The following AKAP12 variants were observed in gnomAD, a reference collection of about 807,000 sequenced individuals.
The protein encoded by AKAP12 is A-kinase anchor protein 12.
In AKAP12, 32 loss-of-function variants were observed where a neutral mutation model predicts 79.9. The ratio of observed to expected loss-of-function variants is 0.40; its 90% CI spans 0.30 to 0.54. The LOEUF (loss-of-function observed/expected upper bound fraction) is 0.54. Ranked by LOEUF, AKAP12 falls within the 20% of genes least tolerant of loss-of-function variation. The probability of loss-of-function intolerance (pLI) is 0.48; values close to 1 mark genes in which losing one functional copy is unlikely to be tolerated. For missense variants in AKAP12, 2,074 were observed against 2,177.0 expected (o/e 0.95, Z 0.94); for synonymous variants, 808 against 857.0 (o/e 0.94, Z 1.00).
Position 151,350,782 on chromosome 6 carries a change from A to C in AKAP12, c.2391A>C (p.Glu797Asp), listed in dbSNP as rs1778262238. 5 of 1,614,000 alleles carry C rather than the reference A, an allele frequency of 3.1e-6. No individual in the cohort carries two copies. Among genetic ancestry groups the C allele is most frequent in the Non-Finnish European group, 4.2e-6 (5 of 1,179,940 alleles). ...TAGAACATTCCACTCCAGACACTGAACCCGGTAAAGAAGAATCCTGGGTCT... is the reference window on the plus strand; with the variant it reads ...TAGAACATTCCACTCCAGACACTGACCCCGGTAAAGAAGAATCCTGGGTCT... ...SGVEHSTPDT[E>D]PGKEESWVSI... The change falls in exon 4 of 5, where the codon GAA becomes GAC. Residue 797 changes from glutamate to aspartate, a missense_variant. By Grantham distance (45) the Glu-to-Asp change is conservative (BLOSUM62 2). Transcript: ENST00000402676. The surrounding 1 kb of genome is among the most constrained non-coding windows in gnomAD (Gnocchi z 4.8).
At chr6:151,240,801 G>T in intron 2 of AKAP12, 77 bp downstream of exon 2, 1 of 871,152 alleles carries the variant, frequency 1.1e-6, no homozygotes, top group Non-Finnish European at 1.5e-6. Context: ...GGGTCCCTCC[G>T]ATTTCCGCCG....
intron 3 of AKAP12, among the ~76,000 whole-genome samples, chr6:151,340,183 T>C (rs117986906): frequency 6.6e-6 from 1 of 151,400 alleles, no homozygotes; most frequent in Non-Finnish European, 1.5e-5. Flanking sequence ...TCCACCCACC[T>C]CGGCCTCCCA....
At chr6:151,344,759 C>A (rs1362151211) in intron 3 of AKAP12, among the ~76,000 whole-genome samples, 1 of 152,096 alleles carries the variant, frequency 6.6e-6, no homozygotes, top group African/African-American at 2.4e-5. Context: ...CTCTCAAACT[C>A]CTGACCTTAA....
chr6:151,301,001 G>A (rs533906279), intron 2 of AKAP12, among the ~76,000 whole-genome samples: 1 of 152,310 alleles, frequency 6.6e-6, no homozygotes, highest in African/African-American at 2.4e-5. Flanking sequence ...ATAAAGCTAT[G>A]CGAGGAAGCT....
chr6:151,289,097 C>G (rs1002672844), intron 2 of AKAP12, among the ~76,000 whole-genome samples: 2 of 152,274 alleles, frequency 1.3e-5, no homozygotes, highest in Non-Finnish European at 2.9e-5. Flanking sequence ...TATTGCTGGA[C>G]ATAGGTTTTT....
At chr6:151,322,063 C>T (rs1330606347) in intron 3 of AKAP12, among the ~76,000 whole-genome samples, 2 of 152,000 alleles carry the variant, frequency 1.3e-5, no homozygotes, top group African/African-American at 4.8e-5. Flanking sequence ...GCGCCCGCCA[C>T]CACGCCCGGC....
chr6:151,251,923 G>C (rs575875865), intron 2 of AKAP12, among the ~76,000 whole-genome samples: 1 of 152,130 alleles, frequency 6.6e-6, no homozygotes, highest in African/African-American at 2.4e-5. Flanking sequence ...CTTGAACCCG[G>C]GAGGCGGAGG....
Position 151,305,871 on chromosome 6 carries a change from G to A in AKAP12, c.287G>A (p.Ser96Asn), listed in dbSNP as rs1776966877. 1 of 1,613,040 alleles carries A rather than the reference G, an allele frequency of 6.2e-7. No individual in the cohort carries two copies. The highest frequency in any genetic ancestry group is 8.5e-7 in the Non-Finnish European group (1 of 1,179,504). The change falls in exon 3 of 5, where the codon AGC (serine) becomes AAC (asparagine). Residue 96 changes from serine to asparagine, a missense_variant. By Grantham distance (46) the Ser-to-Asn change is conservative. Coordinates refer to ENST00000402676, the MANE Select transcript of AKAP12 (RefSeq NM_005100.4). ...CTGAACGGTCAAGGAGCCCTAAACAGCCAGGAGGAAGAAGAAGTCATTGTC... is the reference window on the plus strand; with the variant it reads ...CTGAACGGTCAAGGAGCCCTAAACAACCAGGAGGAAGAAGAAGTCATTGTC... ...GALNGQGALN[S>N]QEEEEVIVTE...
At chr6:151,332,784 A>G (rs909621579) in intron 3 of AKAP12, among the ~76,000 whole-genome samples, 1 of 152,156 alleles carries the variant, frequency 6.6e-6, no homozygotes, top group East Asian at 1.9e-4. Context: ...TACGGGGGAC[A>G]CACCGACCAC....
intron 3 of AKAP12, among the ~76,000 whole-genome samples, chr6:151,322,872 T>C (rs1013469902): frequency 1.3e-5 from 2 of 152,258 alleles, no homozygotes; most frequent in Non-Finnish European, 2.9e-5. Flanking sequence ...ATTTGTTGAG[T>C]GAACCATTCT....
In AKAP12 at chr6:151,352,605, C is replaced by T; in HGVS notation, c.4214C>T (p.Ala1405Val). 1 of 1,614,088 alleles carries T rather than the reference C, an allele frequency of 6.2e-7. No homozygotes were observed. Among genetic ancestry groups the T allele is most frequent in the Non-Finnish European group, 8.5e-7 (1 of 1,180,020 alleles). ...CCTCCCTGCCTAGGTCAAGAGGAGG[C>T]AGTATGCACCAAAATTCAAGTTCAG... The part of the protein sequence containing the change: ...SPPPCLGQEE[A>V]VCTKIQVQSS... The change falls in exon 4 of 5, where the codon GCA becomes GTA. Residue 1405 changes from alanine to valine, a missense_variant. Ala to Val is a moderately conservative substitution (Grantham distance 64). Coordinates refer to ENST00000402676, the MANE Select transcript of AKAP12 (RefSeq NM_005100.4).
intron 3 of AKAP12, among the ~76,000 whole-genome samples, chr6:151,308,166 C>T (rs539182344): frequency 2.0e-5 from 3 of 152,038 alleles, no homozygotes; most frequent in East Asian, 1.9e-4. Flanking sequence ...TGAGCCGCCA[C>T]GCCCAGCTGT....
intron 3 of AKAP12, among the ~76,000 whole-genome samples, chr6:151,309,554 C>T (rs939340018): frequency 3.3e-5 from 5 of 152,154 alleles, no homozygotes; most frequent in Non-Finnish European, 7.4e-5. Flanking sequence ...TCAGAACCAA[C>T]CCTCCTCCTA....
At chr6:151,272,281 G>A (rs1163468199) in intron 2 of AKAP12, among the ~76,000 whole-genome samples, 1 of 149,272 alleles carries the variant, frequency 6.7e-6, no homozygotes, top group Non-Finnish European at 1.5e-5. Flanking sequence ...GGAGTTTGAA[G>A]CTGCAGTGAG....
At chr6:151,259,468 A>ACACATATATACATG (rs1797369772) in intron 2 of AKAP12, among the ~76,000 whole-genome samples, 1 of 135,352 alleles carries the variant, frequency 7.4e-6, no homozygotes, top group East Asian at 2.1e-4. Context: ...ACATATATAC[A>ACACATATATACATG]TGTATATATA....
At chr6:151,268,669 T>G (rs1776106381) in intron 2 of AKAP12, among the ~76,000 whole-genome samples, 1 of 152,166 alleles carries the variant, frequency 6.6e-6, no homozygotes, top group South Asian at 2.1e-4. Context: ...TTAAGACAGA[T>G]TCTCACTGTG....
At chr6:151,256,771 T>TC (rs1797306544) in intron 2 of AKAP12, among the ~76,000 whole-genome samples, 1 of 151,862 alleles carries the variant, frequency 6.6e-6, no homozygotes, top group Non-Finnish European at 1.5e-5. Context: ...TGCCTCATCC[T>TC]TTCAAGTATC....
chr6:151,296,925 T>C (rs1776741423), intron 2 of AKAP12, among the ~76,000 whole-genome samples: 1 of 152,186 alleles, frequency 6.6e-6, no homozygotes, highest in South Asian at 2.1e-4. Context: ...AATAATCCAT[T>C]TCTGCATTTA....
intron 2 of AKAP12, among the ~76,000 whole-genome samples, chr6:151,296,905 T>C (rs1776740861): frequency 6.6e-6 from 1 of 152,122 alleles, no homozygotes; most frequent in South Asian, 2.1e-4. Flanking sequence ...TAAATCTGGA[T>C]CACCAGTGGA....
Sources: gnomAD v4.1 joint callset for allele counts (sites outside exome capture counted in the v4.1 genomes callset) on GRCh38, gnomAD v4.1.1 for gene constraint, Gnocchi (gnomAD v3.1) non-coding constraint, MANE v1.5 for transcripts, NCBI Gene and HGNC (gene_info 2026-07-23, HGNC 2026-07-21) for gene names.